FADS1: variants seen among roughly 807,000 people sequenced by gnomAD.
The protein encoded by FADS1 is fatty acid desaturase 1, also known as acyl-CoA (8-3)-desaturase.
Under a neutral mutation model 61.6 loss-of-function variants are expected in FADS1, and 17 were observed. The observed-to-expected ratio is 0.28, with a 90% CI of 0.19 to 0.41. The LOEUF (loss-of-function observed/expected upper bound fraction) is 0.41, where lower values mean the gene tolerates loss of function less well. Ranked by LOEUF, FADS1 falls within the 10% of genes least tolerant of loss-of-function variation. The probability of loss-of-function intolerance (pLI) is 1.00; values close to 1 mark genes in which losing one functional copy is unlikely to be tolerated. For missense variants in FADS1, 387 were observed against 650.9 expected (o/e 0.59, Z 4.41); for synonymous variants, 238 against 258.7 (o/e 0.92, Z 0.77).
chr11:61,816,946 C>A lies in FADS1; in HGVS notation c.-17G>T. The A allele has an allele frequency of 7.3e-7, 1 of 1,375,462 alleles. No individual in the cohort carries two copies. 85.2% of individuals were successfully genotyped at this position (1,375,462 alleles called of 1,614,324 possible). On this transcript the variant is annotated 5_prime_UTR_variant, in exon 1 of 12. Coordinates refer to ENST00000350997, the MANE Select transcript of FADS1 (RefSeq NM_013402.7). This position sits in a 1 kb window ranked among gnomAD's most constrained non-coding sequence, Gnocchi z 7.0. ...CGTTCCCATTGGCCGAGCCTCGTGG[C>A]GCGGGGAGCGAGATCCCGTCCCCCG...
At chr11:61,806,162 A>G (rs1446542705) in intron 6 of FADS1, 1 of 154,812 alleles carries the variant, frequency 6.5e-6, no homozygotes, top group Non-Finnish European at 1.4e-5. Context: ...AACAAGGTGA[A>G]ACCCCGTCTC....
rs1340917207 is a variant in FADS1 at position 61,816,681 on chromosome 11, G to A, written c.249C>T (p.Ala83=). 1 of 1,589,684 alleles carries A rather than the reference G, an allele frequency of 6.3e-7. No individual in the cohort carries two copies. The highest frequency in any genetic ancestry group is 1.1e-5 in the South Asian group (1 of 87,758). ...ACCGCTCCTCGCACCCTGAGCGCTG[G>A]GCCACCTCGTCCCAGGTGAAGTAGC... ...TPRYFTWDEV[A]QRSGCEERWL... The change falls in exon 1 of 12, where the codon GCC becomes GCT. Residue 83 remains alanine (A), a synonymous_variant. Coordinates refer to ENST00000350997, the MANE Select transcript of FADS1 (RefSeq NM_013402.7). This position sits in a 1 kb window ranked among gnomAD's most constrained non-coding sequence, Gnocchi z 7.0.
chr11:61,804,784 G>C, intron 6 of FADS1, 23 bp from the exon 7 acceptor site: 1 of 1,602,538 alleles, frequency 6.2e-7, no homozygotes. Flanking sequence ...CCGAGACAAA[G>C]AGGAGGCATG....
chr11:61,807,951 A>G (rs2066905175), intron 5 of FADS1, among the ~76,000 whole-genome samples: 1 of 152,224 alleles, frequency 6.6e-6, no homozygotes, highest in South Asian at 2.1e-4. Context: ...GTGCCGGGCT[A>G]TGTTCTAGAT....
In FADS1 at chr11:61,802,543, CCTT is replaced by C. The variant is rs1591149114; in HGVS notation, c.1455-84_1455-82del. 5 of 1,372,686 alleles carry C rather than the reference CCTT, an allele frequency of 3.6e-6. No individual in the cohort carries two copies. The East Asian group carries it at 1.0e-4, about 27-fold the overall frequency. 85.0% of individuals were successfully genotyped at this position (1,372,686 alleles called of 1,614,324 possible). A position where few individuals can be genotyped will look rare whatever the true frequency, so the allele number is the denominator to read the frequency against. On this transcript the variant is annotated intron_variant, in intron 11 of 11. Transcript: ENST00000350997. The surrounding 1 kb of genome is among the most constrained non-coding windows in gnomAD (Gnocchi z 4.2). ...CGGAGATGGAGCAGTGAGGTTAAGG[CCTT>C]CTTCCATCTGGAGGTTTTCCTCCCC... is the stretch of plus-strand genomic sequence containing the variant.
At chr11:61,810,307 G>A (rs922829221) in intron 5 of FADS1, among the ~76,000 whole-genome samples, 6 of 152,226 alleles carry the variant, frequency 3.9e-5, no homozygotes, top group African/African-American at 1.4e-4. Context: ...TGAAAGAAGA[G>A]TAAGACAGTC....
Position 61,810,760 on chromosome 11 carries a change from G to A in FADS1, c.906C>T (p.Leu302=), listed in dbSNP as rs2066925847. 3 of 1,614,024 alleles carry A rather than the reference G, an allele frequency of 1.9e-6. No individual in the cohort carries two copies. Among genetic ancestry groups the A allele is most frequent in the South Asian group, 2.2e-5 (2 of 91,090 alleles). The change falls in exon 5 of 12, where the codon CTC becomes CTT. Residue 302 remains leucine, a synonymous_variant. Coordinates refer to ENST00000350997, the MANE Select transcript of FADS1 (RefSeq NM_013402.7). Reference sequence around the variant, plus strand: ...TGATACCTCCACGCACCTCCACAGAGAGGATCTTCCCCAAGGCAAAGAAGA... The same window carrying A: ...TGATACCTCCACGCACCTCCACAGAAAGGATCTTCCCCAAGGCAAAGAAGA... ...HPFFFALGKI[L]SVELGKQKKK... is the part of the protein sequence containing the mutation.
chr11:61,803,489 G>C lies in FADS1; in HGVS notation c.1152-30C>G. ...TAGATGTATTACACAGACAAAAACA[G>C]TACACACAGAGCCCAGAATTCTGAT... On this transcript the variant is annotated intron_variant, in intron 8 of 11. Coordinates refer to ENST00000350997, the MANE Select transcript of FADS1 (RefSeq NM_013402.7). The surrounding 1 kb of genome is among the most constrained non-coding windows in gnomAD (Gnocchi z 4.3). 2 of 1,569,996 alleles carry C rather than the reference G, an allele frequency of 1.3e-6. No individual in the cohort carries two copies. Among genetic ancestry groups the C allele is most frequent in the South Asian group, 2.2e-5 (2 of 90,154 alleles).
intron 3 of FADS1, among the ~76,000 whole-genome samples, chr11:61,812,180 C>G (rs766331344): frequency 2.0e-5 from 3 of 152,208 alleles, no homozygotes; most frequent in Non-Finnish European, 4.4e-5. Flanking sequence ...GCTAAGAAAC[C>G]AGAAACTTGG....
chr11:61,816,766 C>G lies in FADS1; in HGVS notation c.164G>C (p.Arg55Thr), dbSNP rs1316573726. The change falls in exon 1 of 12, where the codon AGG becomes ACG. Residue 55 changes from arginine to threonine, a missense_variant. By Grantham distance (71) the Arg-to-Thr change is moderately conservative. Around this residue, in one of 2 missense-constraint regions of FADS1, gnomAD observed 130 missense variants for 117.7 expected, o/e 1.10. Transcript: ENST00000350997. This position sits in a 1 kb window ranked among gnomAD's most constrained non-coding sequence, Gnocchi z 7.0. ...APAGPARGVA[R>T]PAMAPDPVAA... ...CACCGGGTCGGGGGCCATAGCTGGC[C>G]TGGCGACGCCGCGCGCCGGGCCAGC... 2.0e-6 allele frequency: 3 copies of G among 1,529,944 alleles called. No homozygotes were observed. The highest frequency in any genetic ancestry group is 2.6e-6 in the Non-Finnish European group (3 of 1,142,100). 94.8% of individuals were successfully genotyped at this position (1,529,944 alleles called of 1,614,324 possible).
intron 5 of FADS1, among the ~76,000 whole-genome samples, chr11:61,810,397 C>T (rs1351885764): frequency 6.6e-6 from 1 of 152,114 alleles, no homozygotes; most frequent in African/African-American, 2.4e-5. Flanking sequence ...GGAATACTTG[C>T]CTGGGGCAAG....
Position 61,806,782 on chromosome 11 carries a change from CT to C in FADS1, c.916-59del. The C allele has an allele frequency of 2.0e-6, 3 of 1,522,178 alleles. No homozygotes were observed. In the Admixed American group the frequency reaches 5.0e-5, roughly 25 times the overall value. The allele number at this position is 1,522,178 out of a possible 1,614,324, so 94.3% of individuals were successfully genotyped here. A position where few individuals can be genotyped will look rare whatever the true frequency, so the allele number is the denominator to read the frequency against. On this transcript the variant is annotated intron_variant, in intron 5 of 11. Transcript: ENST00000350997. ...AGACCAGTGATTCCTCCCTCTGTGA[CT>C]TGACCTTTCCTTGCTTGGAGGTTTA...
At position 61,816,942 on chromosome 11, in the gene FADS1, G is replaced by T. The variant is rs1178581970; in HGVS notation, c.-13C>A. 1 of 1,377,722 alleles carries T rather than the reference G, an allele frequency of 7.3e-7. No individual in the cohort carries two copies. 85.3% of individuals were successfully genotyped at this position (1,377,722 alleles called of 1,614,324 possible). On this transcript the variant is annotated 5_prime_UTR_variant, in exon 1 of 12. Transcript: ENST00000350997. The surrounding 1 kb of genome is among the most constrained non-coding windows in gnomAD (Gnocchi z 7.0). ...CGCGCGTTCCCATTGGCCGAGCCTCGTGGCGCGGGGAGCGAGATCCCGTCC... is the reference window on the plus strand; with the variant it reads ...CGCGCGTTCCCATTGGCCGAGCCTCTTGGCGCGGGGAGCGAGATCCCGTCC...
chr11:61,805,340 A>G (rs1483644719), intron 6 of FADS1: 1 of 152,952 alleles, frequency 6.5e-6, no homozygotes. Flanking sequence ...TGCCACCCCA[A>G]TCTGAAGCCC....
chr11:61,812,691 GTTA>G, intron 2 of FADS1, 23 bp from the exon 3 acceptor site: 1 of 1,604,252 alleles, frequency 6.2e-7, no homozygotes, highest in Admixed American at 1.7e-5. Flanking sequence ...AAGAGGAGCT[GTTA>G]TTCTTCTCAT....
At chr11:61,811,746 C>G (rs2066932384) in intron 3 of FADS1, 1 of 323,848 alleles carries the variant, frequency 3.1e-6, no homozygotes. Flanking sequence ...CCCACCACCA[C>G]TCCCAGCTAA....
chr11:61,816,737 C>G lies in FADS1; in HGVS notation c.193G>C (p.Ala65Pro). The stretch of plus-strand genomic sequence containing the variant: ...GTAGGTCCCTGAGCCGCGGTCTCGG[C>G]GGCCACCGGGTCGGGGGCCATAGCT... ...RPAMAPDPVA[A>P]ETAAQGPTPR... Residue 65 changes from alanine (A) to proline (P), a missense_variant, in exon 1 of 12, where the codon GCC becomes CCC. This residue lies in a region of FADS1 where 130 missense variants were observed against 117.7 expected (regional missense o/e 1.10). Coordinates refer to ENST00000350997, the MANE Select transcript of FADS1 (RefSeq NM_013402.7). This position sits in a 1 kb window ranked among gnomAD's most constrained non-coding sequence, Gnocchi z 7.0. 2 of 1,555,682 alleles carry G rather than the reference C, an allele frequency of 1.3e-6. No homozygotes were observed.
chr11:61,802,941 G>A lies in FADS1; in HGVS notation c.1329-15C>T, dbSNP rs374112887. On this transcript the variant is annotated splice_polypyrimidine_tract_variant and intron_variant, in intron 10 of 11. Coordinates refer to ENST00000350997, the MANE Select transcript of FADS1 (RefSeq NM_013402.7). The surrounding 1 kb of genome is among the most constrained non-coding windows in gnomAD (Gnocchi z 4.2). ...TGGGAAAAAGACTTTAGGGAGAACG[G>A]GGGAGTCAGTGGTTCCTGCTTCTCT... 2 of 1,612,846 alleles carry A rather than the reference G, an allele frequency of 1.2e-6. No homozygotes were observed. Among genetic ancestry groups the A allele is most frequent in the Non-Finnish European group, 1.7e-6 (2 of 1,179,186 alleles).
In FADS1 at chr11:61,803,635, T is replaced by C; in HGVS notation, c.1151+35A>G. The C allele has an allele frequency of 6.4e-7, 1 of 1,553,788 alleles. No homozygotes were observed. The highest frequency in any genetic ancestry group is 8.9e-7 in the Non-Finnish European group (1 of 1,124,998). On this transcript the variant is annotated intron_variant, in intron 8 of 11. Coordinates refer to ENST00000350997, the MANE Select transcript of FADS1 (RefSeq NM_013402.7). This position sits in a 1 kb window ranked among gnomAD's most constrained non-coding sequence, Gnocchi z 4.3. ...AGACTGGTCACTCCCCAACATTTCC[T>C]TCACCAGTCCCTATCCGCCCCCACC...
Sources: allele counts gnomAD v4.1 joint callset (sites outside exome capture counted in the v4.1 genomes callset), GRCh38; gene constraint gnomAD v4.1.1; regional missense constraint gnomAD v4.1.1; non-coding constraint Gnocchi (gnomAD v3.1); transcripts MANE v1.5; gene names NCBI Gene and HGNC (gene_info 2026-07-23, HGNC 2026-07-21).